FBRSL1: variants seen among roughly 807,000 people sequenced by gnomAD.
FBRSL1 encodes the protein fibrosin-1-like protein.
In FBRSL1, 51 loss-of-function variants were observed where a neutral mutation model predicts 89.6. The observed-to-expected ratio is 0.57, with a 90% CI of 0.45 to 0.72. The LOEUF (loss-of-function observed/expected upper bound fraction) is 0.72, where lower values mean the gene tolerates loss of function less well. Ranked by LOEUF, FBRSL1 falls within the 30% of genes least tolerant of loss-of-function variation. FBRSL1 has a pLI of 0.00. For synonymous variants in FBRSL1, 779 were observed against 681.1 expected (o/e 1.14, Z -2.24); for missense variants, 1,618 against 1,451.8 (o/e 1.11, Z -1.86).
At chr12:132,535,644 C>T (rs1241894741) in intron 4 of FBRSL1, among the ~76,000 whole-genome samples, 3 of 152,244 alleles carry the variant, frequency 2.0e-5, no homozygotes, top group South Asian at 4.1e-4. Flanking sequence ...GCTGTGGGTG[C>T]CCCAAGCACA....
chr12:132,513,222 C>T (rs370554170), intron 2 of FBRSL1, among the ~76,000 whole-genome samples: 4 of 152,324 alleles, frequency 2.6e-5, no homozygotes, highest in East Asian at 3.9e-4. Flanking sequence ...GCGAGGCCTC[C>T]GGCAAGTGGG....
intron 4 of FBRSL1, among the ~76,000 whole-genome samples, chr12:132,541,257 T>C (rs561159093): frequency 1.3e-5 from 2 of 149,096 alleles, no homozygotes; most frequent in African/African-American, 2.5e-5. Context: ...ACCCCTACCC[T>C]GAGGCACGTC....
At chr12:132,533,495 C>T (rs1235126423) in intron 4 of FBRSL1, among the ~76,000 whole-genome samples, 1 of 152,286 alleles carries the variant, frequency 6.6e-6, no homozygotes, top group East Asian at 1.9e-4. Context: ...CCACAGTCTC[C>T]TCCCAACCTC....
chr12:132,507,084 A>G, intron 1 of FBRSL1: 4 of 526,360 alleles, frequency 7.6e-6, no homozygotes, highest in Non-Finnish European at 9.7e-6. Flanking sequence ...GGGACAGCCA[A>G]GGTCCTTCTC....
At chr12:132,492,830 G>C (rs542791037) in intron 1 of FBRSL1, among the ~76,000 whole-genome samples, 1 of 152,216 alleles carries the variant, frequency 6.6e-6, no homozygotes, top group Non-Finnish European at 1.5e-5. Context: ...GGGAAAGTAC[G>C]GGGCTTCTGC....
intron 1 of FBRSL1, among the ~76,000 whole-genome samples, chr12:132,501,879 G>C (rs1180457828): frequency 3.3e-5 from 5 of 152,212 alleles, no homozygotes; most frequent in African/African-American, 1.2e-4. Flanking sequence ...TGCTCACAGG[G>C]TCCTGCCCTG....
rs78778594 is a variant in FBRSL1, at chr12:132,544,009, C to G, written c.616-3994C>G. Among the ~76,000 whole-genome samples, 738 of 152,272 alleles carry G rather than the reference C, an allele frequency of 4.8e-3. 27 individuals are homozygous for G. In the East Asian group the frequency reaches 0.097, roughly 20 times the overall value. On this transcript the variant is annotated intron_variant, in intron 4 of 18. Transcript: ENST00000680143. ...GTCGGGTGCCTCCCTCTGGCCACCCCACACCTTAGGCGTGAGGGCCGGGGC... is the reference window on the plus strand; with the variant it reads ...GTCGGGTGCCTCCCTCTGGCCACCCGACACCTTAGGCGTGAGGGCCGGGGC...
Position 132,508,322 on chromosome 12 carries a change from G to A in FBRSL1, c.461G>A (p.Arg154Lys). ...QDLEPACDGA[R>K]KVPLQPSKQM... The stretch of plus-strand genomic sequence containing the variant: ...CTCGAACCCGCCTGCGATGGGGCGA[G>A]AAAGGTCCCACTGCAGCCCTCCAAG... The change falls in exon 2 of 19, where the codon AGA becomes AAA. Residue 154 changes from arginine to lysine, a missense_variant. Coordinates refer to ENST00000680143, the MANE Select transcript of FBRSL1 (RefSeq NM_001367871.1). 1.9e-6 allele frequency: 3 copies of A among 1,542,608 alleles called. No individual in the cohort carries two copies. Among genetic ancestry groups the A allele is most frequent in the South Asian group, 1.2e-5 (1 of 83,206 alleles).
At chr12:132,532,692 C>T (rs1240414893) in intron 4 of FBRSL1, among the ~76,000 whole-genome samples, 1 of 151,678 alleles carries the variant, frequency 6.6e-6, no homozygotes, top group African/African-American at 2.4e-5. Flanking sequence ...AGTCGCTGTC[C>T]CAGGCGGGGT....
intron 4 of FBRSL1, among the ~76,000 whole-genome samples, chr12:132,536,523 G>A (rs1208151184): frequency 6.6e-5 from 10 of 151,482 alleles, no homozygotes; most frequent in Admixed American, 3.9e-4. Context: ...GTGAGTGCAT[G>A]TGTACATGGT....
rs1250163005 is a variant in FBRSL1, at chr12:132,583,123, G to A, written c.2354G>A (p.Ser785Asn). 6 of 1,460,544 alleles carry A rather than the reference G, an allele frequency of 4.1e-6. No homozygotes were observed. In the Middle Eastern group the frequency reaches 7.2e-4, roughly 175 times the overall value. The allele number at this position is 1,460,544 out of a possible 1,614,324, so 90.5% of individuals were successfully genotyped here. A position where few individuals can be genotyped will look rare whatever the true frequency, so the allele number is the denominator to read the frequency against. ...EREAEPRVKE[S>N]RSPAKEEAAK... ...GAGGCCGAACCTCGGGTCAAGGAGAGCCGCTCCCCGGCCAAGGAGGAGGCC... is the reference window on the plus strand; with the variant it reads ...GAGGCCGAACCTCGGGTCAAGGAGAACCGCTCCCCGGCCAAGGAGGAGGCC... Residue 785 changes from serine to asparagine, a missense_variant, in exon 19 of 19, where the codon AGC becomes AAC. Coordinates refer to ENST00000680143, the MANE Select transcript of FBRSL1 (RefSeq NM_001367871.1).
At position 132,583,868 on chromosome 12, in the gene FBRSL1, C is replaced by G; in HGVS notation, c.*90C>G. The G allele has an allele frequency of 1.3e-6, 1 of 771,230 alleles. No individual in the cohort carries two copies. The highest frequency in any genetic ancestry group is 1.7e-6 in the Non-Finnish European group (1 of 603,166). 47.8% of individuals were successfully genotyped at this position (771,230 alleles called of 1,614,324 possible). On this transcript the variant is annotated 3_prime_UTR_variant, in exon 19 of 19. Coordinates refer to ENST00000680143, the MANE Select transcript of FBRSL1 (RefSeq NM_001367871.1). ...GAACTCAAGCACAGCTCCCGCCGAT[C>G]CTGGGGCGGCGCCGCCTCTCCACCC... is the stretch of plus-strand genomic sequence containing the variant.
At chr12:132,508,932 C>T (rs983369319) in intron 2 of FBRSL1, among the ~76,000 whole-genome samples, 3 of 152,132 alleles carry the variant, frequency 2.0e-5, no homozygotes, top group African/African-American at 4.8e-5. Context: ...TTCCCCAGCG[C>T]GTGGGGCTCT....
chr12:132,511,796 C>T, intron 2 of FBRSL1: 2 of 985,354 alleles, frequency 2.0e-6, no homozygotes, highest in Non-Finnish European at 2.4e-6. Context: ...TGACCAGCCT[C>T]TGGTGCAGCA....
intron 8 of FBRSL1, 73 bp downstream of exon 8, chr12:132,570,613 C>T (rs1291122774): frequency 6.2e-6 from 8 of 1,299,936 alleles, no homozygotes; most frequent in South Asian, 1.6e-5. Flanking sequence ...CGGGGAGGGG[C>T]GCACAGCCTG....
Position 132,499,529 on chromosome 12 carries a change from G to A in FBRSL1, c.292-8624G>A, listed in dbSNP as rs984576481. Among the ~76,000 whole-genome samples the A allele has an allele frequency of 5.3e-5, 8 of 152,220 alleles. No individual in the cohort carries two copies. The highest frequency in any genetic ancestry group is 4.6e-4 in the Admixed American group (7 of 15,290). On this transcript the variant is annotated intron_variant, in intron 1 of 18. Transcript: ENST00000680143. The surrounding 1 kb of genome is among the most constrained non-coding windows in gnomAD (Gnocchi z 4.3). ...GGATGGCAGTAAAGAGTCTGTCGTC[G>A]AAGGCTAGGAGTCACAGAGGAGGCC...
rs3751308 is a variant in FBRSL1 at position 132,581,262 on chromosome 12, T to C, written c.1835-177T>C. 11,757 of 984,756 alleles carry C rather than the reference T, an allele frequency of 0.012. 188 individuals are homozygous for C. The East Asian group carries it at 0.15, about 12-fold the overall frequency. 61.0% of individuals were successfully genotyped at this position (984,756 alleles called of 1,614,324 possible). On this transcript the variant is annotated intron_variant, in intron 15 of 18. Transcript: ENST00000680143. ...GCTCCAAGTCAAACCTCCTCCGAAT[T>C]GTGGGGTAGATTCCACCTCTTACTC...
chr12:132,545,658 A>C (rs1458683570), intron 4 of FBRSL1, among the ~76,000 whole-genome samples: 2 of 152,148 alleles, frequency 1.3e-5, no homozygotes, highest in African/African-American at 4.8e-5. Context: ...GCTCTGGCCC[A>C]TGGGTCTCGG....
intron 1 of FBRSL1, among the ~76,000 whole-genome samples, chr12:132,500,387 G>A (rs1037366997): frequency 1.3e-5 from 2 of 152,136 alleles, no homozygotes; most frequent in African/African-American, 2.4e-5. Context: ...CACTGCTGGC[G>A]AGTGGCTGAG....
Sources: gnomAD v4.1 joint callset for allele counts (sites outside exome capture counted in the v4.1 genomes callset) on GRCh38, gnomAD v4.1.1 for gene constraint, Gnocchi (gnomAD v3.1) non-coding constraint, MANE v1.5 for transcripts, NCBI Gene and HGNC (gene_info 2026-07-23, HGNC 2026-07-21) for gene names.